CSMD1: variants seen among roughly 807,000 people sequenced by gnomAD.
The protein encoded by CSMD1 is CUB and Sushi multiple domains 1.
In CSMD1, 213 loss-of-function variants were observed where a neutral mutation model predicts 417.5. The observed-to-expected ratio is 0.51, with a 90% confidence interval of 0.46 to 0.57. CSMD1 has a LOEUF of 0.57. Ranked by LOEUF, CSMD1 falls within the 20% of genes least tolerant of loss-of-function variation. The pLI, the probability that CSMD1 is intolerant of heterozygous loss-of-function variation, is 0.00. For missense variants in CSMD1, 6,923 were observed against 4,529.7 expected, an observed-to-expected ratio of 1.53 and a Z score of -15.17; for synonymous variants, 2,862 against 1,736.8, an observed-to-expected ratio of 1.65 and a Z score of -16.11.
intron 2 of CSMD1, among the ~76,000 whole-genome samples, chr8:4,480,369 T>A (rs1001683328): frequency 2.6e-5 from 4 of 152,172 alleles, no homozygotes; most frequent in Admixed American, 6.5e-5. Flanking sequence ...AAATTACATT[T>A]CTCACTAGAA....
chr8:4,736,845 A>C (rs1469932362), intron 1 of CSMD1, among the ~76,000 whole-genome samples: 1 of 152,126 alleles, frequency 6.6e-6, no homozygotes, highest in Non-Finnish European at 1.5e-5. Context: ...GGGTAAGAAA[A>C]TAGCTCCTAC....
chr8:4,535,018 C>A (rs1797033309), intron 2 of CSMD1, among the ~76,000 whole-genome samples: 1 of 152,188 alleles, frequency 6.6e-6, no homozygotes, highest in African/African-American at 2.4e-5. Flanking sequence ...GCCTCAGCCT[C>A]CCAAAGTGCT....
intron 27 of CSMD1, among the ~76,000 whole-genome samples, chr8:3,227,512 T>C (rs1359513774): frequency 1.3e-5 from 2 of 152,198 alleles, no homozygotes; most frequent in South Asian, 2.1e-4. Flanking sequence ...TCATTGAAGC[T>C]ATCTTCAGAA....
chr8:3,779,091 A>G (rs1181320764), intron 5 of CSMD1, among the ~76,000 whole-genome samples: 3 of 152,120 alleles, frequency 2.0e-5, no homozygotes, highest in Non-Finnish European at 4.4e-5. Flanking sequence ...ATGTAGGTTA[A>G]AAGACTCCTA....
At chr8:4,636,045 A>G (rs1802794813) in intron 2 of CSMD1, among the ~76,000 whole-genome samples, 2 of 152,044 alleles carry the variant, frequency 1.3e-5, no homozygotes. Context: ...CCTATTAGTT[A>G]TGTAGCATAT....
At chr8:4,054,323 G>A (rs886487772) in intron 3 of CSMD1, among the ~76,000 whole-genome samples, 1 of 152,148 alleles carries the variant, frequency 6.6e-6, no homozygotes, top group Non-Finnish European at 1.5e-5. Context: ...CCTCTGGGGA[G>A]CTGGGGTAGG....
At chr8:4,215,774 T>A (rs372189704) in intron 3 of CSMD1, among the ~76,000 whole-genome samples, 4 of 152,202 alleles carry the variant, frequency 2.6e-5, no homozygotes, top group African/African-American at 9.6e-5. Context: ...AACATTGTTT[T>A]CTTGGTGGAA....
Position 3,307,734 on chromosome 8 carries a change from C to T in CSMD1, c.3911G>A (p.Cys1304Tyr), listed in dbSNP as rs1804990703. 2.5e-6 allele frequency: 4 copies of T among 1,613,542 alleles called. No individual in the cohort carries two copies. The highest frequency in any genetic ancestry group is 3.4e-6 in the Non-Finnish European group (4 of 1,179,694). The change falls in exon 25 of 70, where the codon TGC becomes TAC. Residue 1304 changes from cysteine to tyrosine, a missense_variant. Transcript: ENST00000635120. ...TGGGTCTGCCTCTATAATCCAGGTG[C>T]AGTGGAGGTTGTTGTCATACGGAGC... ...YPAPYDNNLH[C>Y]TWIIEADPGK...
intron 5 of CSMD1, among the ~76,000 whole-genome samples, chr8:3,915,842 T>C (rs961731326): frequency 2.0e-5 from 3 of 147,944 alleles, no homozygotes; most frequent in Admixed American, 6.9e-5. Flanking sequence ...ATTTTACATA[T>C]CACCCCAACT....
At chr8:4,390,493 C>G (rs567933982) in intron 3 of CSMD1, among the ~76,000 whole-genome samples, 2 of 33,740 alleles carry the variant, frequency 5.9e-5, no homozygotes, top group Non-Finnish European at 1.1e-4. Context: ...ACAGAAGCGT[C>G]CATTTTTATT....
At chr8:4,975,759 C>T (rs1218156903) in intron 1 of CSMD1, among the ~76,000 whole-genome samples, 1 of 152,112 alleles carries the variant, frequency 6.6e-6, no homozygotes, top group Non-Finnish European at 1.5e-5. Flanking sequence ...CCAACTGTTT[C>T]CATAATAACC....
At chr8:3,900,916 A>C (rs112826776) in intron 5 of CSMD1, among the ~76,000 whole-genome samples, 9 of 152,356 alleles carry the variant, frequency 5.9e-5, no homozygotes, top group African/African-American at 2.2e-4. Context: ...TCGTGCATCC[A>C]AACACTATGG....
chr8:3,075,381 A>G (rs1157313771), intron 49 of CSMD1, among the ~76,000 whole-genome samples: 1 of 151,088 alleles, frequency 6.6e-6, no homozygotes, highest in Non-Finnish European at 1.5e-5. Flanking sequence ...TCCTGGATTC[A>G]AGTGATTTTC....
At chr8:2,962,147 A>G (rs1057092032) in intron 61 of CSMD1, among the ~76,000 whole-genome samples, 7 of 152,208 alleles carry the variant, frequency 4.6e-5, no homozygotes, top group African/African-American at 1.4e-4. Context: ...GCTTTAGAGA[A>G]TGTTCCTACC....
intron 3 of CSMD1, among the ~76,000 whole-genome samples, chr8:4,335,573 T>A (rs1330161937): frequency 6.6e-6 from 1 of 152,118 alleles, no homozygotes; most frequent in Non-Finnish European, 1.5e-5. Context: ...TCACTATCAG[T>A]CTTAGCTAAC....
intron 3 of CSMD1, among the ~76,000 whole-genome samples, chr8:4,204,366 C>A (rs1563269137): frequency 1.3e-5 from 2 of 151,828 alleles, no homozygotes; most frequent in African/African-American, 4.8e-5. Context: ...AGCAAACTGA[C>A]AACATCATTT....
chr8:3,551,218 G>C (rs1214980790), intron 10 of CSMD1, among the ~76,000 whole-genome samples: 1 of 152,128 alleles, frequency 6.6e-6, no homozygotes, highest in Non-Finnish European at 1.5e-5. Context: ...ATTACTTAAA[G>C]TTTCTAAAGC....
At chr8:4,433,515 C>T (rs890717126) in intron 2 of CSMD1, among the ~76,000 whole-genome samples, 5 of 152,116 alleles carry the variant, frequency 3.3e-5, no homozygotes, top group African/African-American at 1.2e-4. Flanking sequence ...CCCAAGGCAG[C>T]CCCAGATCCC....
chr8:4,775,794 G>C (rs1466203595), intron 1 of CSMD1, among the ~76,000 whole-genome samples: 1 of 152,018 alleles, frequency 6.6e-6, no homozygotes, highest in African/African-American at 2.4e-5. Flanking sequence ...ACTGGGGATG[G>C]GTCCTCTTAG....
Sources: allele counts gnomAD v4.1 joint callset (sites outside exome capture counted in the v4.1 genomes callset), GRCh38; gene constraint gnomAD v4.1.1; transcripts MANE v1.5; gene names NCBI Gene and HGNC (gene_info 2026-07-23, HGNC 2026-07-21).